Variants in MDGA2 observed in about 807,000 individuals in gnomAD.
The protein encoded by MDGA2 is MAM domain-containing glycosylphosphatidylinositol anchor protein 2.
Under a neutral mutation model 117.8 loss-of-function variants are expected in MDGA2, and 40 were observed. That is an observed-to-expected ratio of 0.34 (90% CI 0.26 to 0.44). The LOEUF is 0.44. Ranked by LOEUF, MDGA2 falls within the 20% of genes least tolerant of loss-of-function variation. The pLI, the probability that MDGA2 is intolerant of heterozygous loss-of-function variation, is 1.00. For synonymous variants in MDGA2, 452 were observed against 439.0 expected (o/e 1.03, Z -0.37); for missense variants, 1,123 against 1,250.6 (o/e 0.90, Z 1.54).
At chr14:47,376,897 C>A (rs1415583667) in intron 1 of MDGA2, among the ~76,000 whole-genome samples, 1 of 151,942 alleles carries the variant, frequency 6.6e-6, no homozygotes, top group Non-Finnish European at 1.5e-5. Flanking sequence ...TAATTACAAA[C>A]AATTGAAAAG....
intron 2 of MDGA2, among the ~76,000 whole-genome samples, chr14:47,242,322 G>A (rs1354685003): frequency 6.6e-6 from 1 of 151,938 alleles, no homozygotes; most frequent in East Asian, 1.9e-4. Context: ...CACCTCCCCT[G>A]CCTGGGCTCC....
chr14:47,413,624 T>A (rs531428782), intron 1 of MDGA2, among the ~76,000 whole-genome samples: 4 of 151,100 alleles, frequency 2.6e-5, no homozygotes, highest in Non-Finnish European at 4.4e-5. Context: ...AGACTGGCCA[T>A]CCCTCTCCCT....
At chr14:47,286,227 G>A (rs1888666120) in intron 2 of MDGA2, among the ~76,000 whole-genome samples, 1 of 151,934 alleles carries the variant, frequency 6.6e-6, no homozygotes, top group Admixed American at 6.6e-5. Context: ...TTTAAGTTAG[G>A]AACATTCCCA....
chr14:47,624,818 A>C (rs1412618279), intron 1 of MDGA2, among the ~76,000 whole-genome samples: 1 of 152,228 alleles, frequency 6.6e-6, no homozygotes, highest in East Asian at 1.9e-4. Flanking sequence ...ACTGTAGTAC[A>C]TAGAAATAAA....
intron 15 of MDGA2, among the ~76,000 whole-genome samples, chr14:46,851,804 T>C (rs1881066442): frequency 6.6e-6 from 1 of 151,794 alleles, no homozygotes; most frequent in African/African-American, 2.4e-5. Context: ...ATTTATATAG[T>C]AATATATTGG....
intron 9 of MDGA2, among the ~76,000 whole-genome samples, chr14:46,954,844 C>T (rs956609894): frequency 8.5e-5 from 13 of 152,170 alleles, no homozygotes; most frequent in African/African-American, 3.1e-4. Context: ...CTTAAGCCAT[C>T]CTTTTACCCT....
chr14:47,569,347 G>A (rs1004548635), intron 1 of MDGA2, among the ~76,000 whole-genome samples: 1 of 152,176 alleles, frequency 6.6e-6, no homozygotes, highest in Non-Finnish European at 1.5e-5. Flanking sequence ...TCCAGGGGAT[G>A]GATCTTGAGT....
chr14:47,560,046 A>G (rs563153094), intron 1 of MDGA2, among the ~76,000 whole-genome samples: 13 of 151,196 alleles, frequency 8.6e-5, no homozygotes, highest in African/African-American at 3.2e-4. Flanking sequence ...TTTCTCTGCA[A>G]CCTCACTGGC....
intron 8 of MDGA2, among the ~76,000 whole-genome samples, chr14:46,997,929 A>G (rs1049288031): frequency 6.6e-6 from 1 of 152,182 alleles, no homozygotes; most frequent in African/African-American, 2.4e-5. Flanking sequence ...ATCATCAACA[A>G]TCAAAACTTC....
At chr14:46,975,414 A>C (rs1886418159) in intron 8 of MDGA2, among the ~76,000 whole-genome samples, 1 of 152,146 alleles carries the variant, frequency 6.6e-6, no homozygotes, top group South Asian at 2.1e-4. Context: ...GGCATTATTC[A>C]CAACACCTAA....
intron 2 of MDGA2, among the ~76,000 whole-genome samples, chr14:47,240,527 A>G (rs1853582750): frequency 6.6e-6 from 1 of 151,906 alleles, no homozygotes; most frequent in Non-Finnish European, 1.5e-5. Context: ...ATAACACCAA[A>G]TGTGCCTTTC....
chr14:47,636,958 C>T (rs1383286835), intron 1 of MDGA2, among the ~76,000 whole-genome samples: 1 of 149,814 alleles, frequency 6.7e-6, no homozygotes, highest in Non-Finnish European at 1.5e-5. Flanking sequence ...GGTGACAGAG[C>T]GAGACTCTGT....
At chr14:47,335,961 T>C (rs535915279) in intron 1 of MDGA2, among the ~76,000 whole-genome samples, 1 of 151,516 alleles carries the variant, frequency 6.6e-6, no homozygotes, top group Admixed American at 6.6e-5. Flanking sequence ...GGATCCCTTG[T>C]TCAAATTTCA....
chr14:47,642,609 T>C (rs1897448811), intron 1 of MDGA2, among the ~76,000 whole-genome samples: 2 of 152,042 alleles, frequency 1.3e-5, no homozygotes. Context: ...CCATATTATA[T>C]AGAAGTACTA....
At chr14:47,327,332 C>T (rs565210703) in intron 1 of MDGA2, among the ~76,000 whole-genome samples, 2 of 152,148 alleles carry the variant, frequency 1.3e-5, no homozygotes, top group African/African-American at 2.4e-5. Flanking sequence ...AAGCACCAAT[C>T]GGAAACATCC....
At chr14:46,984,687 T>C (rs151206494) in intron 8 of MDGA2, among the ~76,000 whole-genome samples, 1 of 152,150 alleles carries the variant, frequency 6.6e-6, no homozygotes, top group Non-Finnish European at 1.5e-5. Flanking sequence ...TGTGTTCTGG[T>C]AATCATATCA....
intron 6 of MDGA2, among the ~76,000 whole-genome samples, chr14:47,074,725 C>G (rs1419753328): frequency 6.6e-6 from 1 of 152,202 alleles, no homozygotes; most frequent in Non-Finnish European, 1.5e-5. Context: ...ACCAATTATA[C>G]TTCCATTTCC....
At chr14:47,300,881 T>C (rs1889256108) in intron 2 of MDGA2, among the ~76,000 whole-genome samples, 1 of 152,174 alleles carries the variant, frequency 6.6e-6, no homozygotes, top group Non-Finnish European at 1.5e-5. Context: ...AAGAAAGCTG[T>C]GGATGACGAT....
At chr14:47,524,991 T>G (rs1894942504) in intron 1 of MDGA2, among the ~76,000 whole-genome samples, 1 of 152,224 alleles carries the variant, frequency 6.6e-6, no homozygotes, top group African/African-American at 2.4e-5. Flanking sequence ...TAAGAATACC[T>G]TCTACATTTG....
Sources: gnomAD v4.1 joint callset for allele counts (sites outside exome capture counted in the v4.1 genomes callset) on GRCh38, gnomAD v4.1.1 for gene constraint, MANE v1.5 for transcripts, NCBI Gene and HGNC (gene_info 2026-07-23, HGNC 2026-07-21) for gene names.